Variants in TRRAP observed in about 807,000 individuals in gnomAD.
TRRAP encodes the protein transformation/transcription domain-associated protein.
A neutral mutation model predicts 438.8 loss-of-function variants in TRRAP; 41 were observed. The ratio of observed to expected loss-of-function variants is 0.09; its 90% CI spans 0.07 to 0.12. The LOEUF is 0.12. Ranked by LOEUF, TRRAP falls within the 10% of genes least tolerant of loss-of-function variation. The probability of loss-of-function intolerance (pLI) is 1.00; values close to 1 mark genes in which losing one functional copy is unlikely to be tolerated. For synonymous variants in TRRAP, 1,994 were observed against 1,962.9 expected, an observed-to-expected ratio of 1.02 and a Z score of -0.42; for missense variants, 3,122 against 5,055.1, an observed-to-expected ratio of 0.62 and a Z score of 11.60.
chr7:98,977,781 C>T (rs140071201), intron 56 of TRRAP, among the ~76,000 whole-genome samples: 4,108 of 152,298 alleles, frequency 0.027, 66 homozygotes, highest in Middle Eastern at 0.054. Flanking sequence ...TGTGGCCTTG[C>T]GGCTCCTGCT....
chr7:98,895,443 T>A (rs975529135), intron 6 of TRRAP, among the ~76,000 whole-genome samples: 27 of 152,224 alleles, frequency 1.8e-4, no homozygotes, highest in African/African-American at 6.3e-4. Flanking sequence ...GGCCCCACAG[T>A]ATATGAGAGT....
At position 98,960,907 on chromosome 7, in the gene TRRAP, C is replaced by T. The variant is rs751614702; in HGVS notation, c.6490-354C>T. On this transcript the variant is annotated intron_variant, in intron 45 of 72. Transcript: ENST00000456197. ...GCTGGGATTACAGGCGTAACCACTGCGCCTGGCCTGGAAGGATATTTGTAT... is the reference window on the plus strand; with the variant it reads ...GCTGGGATTACAGGCGTAACCACTGTGCCTGGCCTGGAAGGATATTTGTAT... Among the ~76,000 whole-genome samples, 6 of 151,904 alleles carry T rather than the reference C, an allele frequency of 3.9e-5. No individual in the cohort carries two copies. The South Asian group carries it at 6.2e-4, about 16-fold the overall frequency.
At chr7:98,890,252 C>T in intron 3 of TRRAP, 83 bp from the exon 4 acceptor site, 1 of 868,458 alleles carries the variant, frequency 1.2e-6, no homozygotes, top group Non-Finnish European at 1.6e-6. Flanking sequence ...TTTTATATTC[C>T]TTTGCAGTTA....
Position 98,942,907 on chromosome 7 carries a change from A to T in TRRAP, c.4405-42A>T, listed in dbSNP as rs1554415999. The stretch of plus-strand genomic sequence containing the variant: ...ATAGTAGTTTCCACCAGTGGAATGC[A>T]CCTACTGTGAAGTTGTGTCTCAGGA... On this transcript the variant is annotated intron_variant, in intron 30 of 72. Transcript: ENST00000456197. 3 of 1,607,394 alleles carry T rather than the reference A, an allele frequency of 1.9e-6. No individual in the cohort carries two copies. The Admixed American group carries it at 5.0e-5, about 27-fold the overall frequency.
At chr7:98,917,012 C>T (rs1456151482) in intron 19 of TRRAP, among the ~76,000 whole-genome samples, 2 of 152,072 alleles carry the variant, frequency 1.3e-5, no homozygotes, top group Non-Finnish European at 2.9e-5. Context: ...TAACTGTCCT[C>T]GTGAGTGGTG....
intron 31 of TRRAP, among the ~76,000 whole-genome samples, chr7:98,944,538 G>A (rs1465180168): frequency 6.6e-6 from 1 of 152,076 alleles, no homozygotes; most frequent in African/African-American, 2.4e-5. Context: ...TTGGCCGCTT[G>A]TCTGAAACTC....
chr7:98,925,258 C>T lies in TRRAP; in HGVS notation c.2970C>T (p.His990=). The T allele has an allele frequency of 6.2e-7, 1 of 1,613,544 alleles. No homozygotes were observed. Residue 990 remains histidine, a synonymous_variant, in exon 22 of 73, where the codon CAC becomes CAT. Transcript: ENST00000456197. ...NKHALYQLLA[H]PNFTEKTIPN... ...ACGCACTCTACCAGCTCCTGGCACACCCCAAGTATGTCGGCCACTTCCTTC... is the reference window on the plus strand; with the variant it reads ...ACGCACTCTACCAGCTCCTGGCACATCCCAAGTATGTCGGCCACTTCCTTC...
intron 41 of TRRAP, among the ~76,000 whole-genome samples, 198 bp downstream of exon 41, chr7:98,955,502 G>A (rs529888171): frequency 1.3e-5 from 2 of 152,320 alleles, no homozygotes; most frequent in African/African-American, 4.8e-5. Flanking sequence ...TATGTCACAG[G>A]TGTGTGTGTC....
chr7:99,008,937 C>A (rs1794314216), intron 70 of TRRAP, among the ~76,000 whole-genome samples: 1 of 152,198 alleles, frequency 6.6e-6, no homozygotes, highest in Non-Finnish European at 1.5e-5. Context: ...CTTCATTCAT[C>A]CACTTCATGT....
chr7:98,914,865 C>T (rs1484262976), intron 18 of TRRAP, among the ~76,000 whole-genome samples: 1 of 151,262 alleles, frequency 6.6e-6, no homozygotes, highest in African/African-American at 2.4e-5. Context: ...TATATTCTGC[C>T]ATATACCATA....
chr7:98,962,426 C>T lies in TRRAP; in HGVS notation c.6828C>T (p.Phe2276=), dbSNP rs200266535. The change falls in exon 47 of 73, where the codon TTC becomes TTT. Residue 2276 remains phenylalanine (F), a splice_region_variant and synonymous_variant. Transcript: ENST00000456197. ...KATNANPSQL[F]GTLMILKSAC... ...CCAATGCCAATCCCTCCCAGCTCTT[C>T]GGTGAGTGTGTGTCTGTCCTGGTGT... The T allele has an allele frequency of 4.3e-6, 7 of 1,614,104 alleles. No individual in the cohort carries two copies. The highest frequency in any genetic ancestry group is 3.3e-5 in the South Asian group (3 of 91,092).
intron 31 of TRRAP, 92 bp from the exon 32 acceptor site, chr7:98,945,655 A>T (rs1554416610): frequency 6.9e-7 from 1 of 1,442,174 alleles, no homozygotes; most frequent in African/African-American, 1.4e-5. Flanking sequence ...TGTCTTGTTA[A>T]CCCCAATAAC....
In TRRAP at chr7:98,917,877, T is replaced by G. The variant is rs57715526; in HGVS notation, c.2622+198T>G. Among the ~76,000 whole-genome samples, 4,587 of 152,192 alleles carry G rather than the reference T, an allele frequency of 0.03. 234 individuals are homozygous for G. The highest frequency in any genetic ancestry group is 0.1 in the African/African-American group (4,314 of 41,514). On this transcript the variant is annotated intron_variant, in intron 20 of 72. Coordinates refer to ENST00000456197, the MANE Select transcript of TRRAP (RefSeq NM_001375524.1). ...TGTCTCCTGACTGTGATCCCAGCAC[T>G]TTGGGAGGCCGAGGAGGGTGGATCA...
chr7:99,001,573 A>G (rs1283951180), intron 67 of TRRAP, among the ~76,000 whole-genome samples: 1 of 152,082 alleles, frequency 6.6e-6, no homozygotes, highest in East Asian at 1.9e-4. Context: ...AAACTGGAAA[A>G]AGTCAGCATG....
Position 98,945,951 on chromosome 7 carries a change from G to A in TRRAP, c.4548+1G>A. The A allele has an allele frequency of 6.8e-7, 1 of 1,470,476 alleles. No homozygotes were observed. Among genetic ancestry groups the A allele is most frequent in the Non-Finnish European group, 9.0e-7 (1 of 1,110,926 alleles). The allele number at this position is 1,470,476 out of a possible 1,614,324, so 91.1% of individuals were successfully genotyped here. A position where few individuals can be genotyped will look rare whatever the true frequency, so the allele number is the denominator to read the frequency against. ...TCAGCCTGCCATGGAAGGGGTAGAG[G>A]TGAGAACTTGAGCGGAGCTACAGGA... On this transcript the variant is annotated splice_donor_variant, in intron 33 of 72. Coordinates refer to ENST00000456197, the MANE Select transcript of TRRAP (RefSeq NM_001375524.1). LOFTEE classifies it high-confidence loss of function.
chr7:98,920,552 A>G (rs1413333986), intron 20 of TRRAP, among the ~76,000 whole-genome samples: 1 of 152,152 alleles, frequency 6.6e-6, no homozygotes, highest in African/African-American at 2.4e-5. Context: ...CAGACAAAAA[A>G]TGGGGGGAAA....
intron 40 of TRRAP, among the ~76,000 whole-genome samples, chr7:98,953,917 C>T (rs545793790): frequency 1.1e-4 from 16 of 152,324 alleles, no homozygotes; most frequent in African/African-American, 3.6e-4. Flanking sequence ...TCTGCTCTCT[C>T]GTTCCTCAAC....
Position 98,976,176 on chromosome 7 carries a change from C to G in TRRAP, c.7867C>G (p.Gln2623Glu). ...KTGALLSAFVQLCHISTTLAE... is the reference protein window; with the variant it reads ...KTGALLSAFVELCHISTTLAE... ...TGGAGCGCTGCTCAGCGCTTTCGTTCAGCTGTGCCACATTTCCACGACGCT... is the reference window on the plus strand; with the variant it reads ...TGGAGCGCTGCTCAGCGCTTTCGTTGAGCTGTGCCACATTTCCACGACGCT... The change falls in exon 54 of 73, where the codon CAG (glutamine) becomes GAG (glutamate). Residue 2623 changes from glutamine to glutamate, a missense_variant. This residue lies in a region of TRRAP where 992 missense variants were observed against 1,281.2 expected (regional missense o/e 0.77). Coordinates refer to ENST00000456197, the MANE Select transcript of TRRAP (RefSeq NM_001375524.1). This position sits in a 1 kb window ranked among gnomAD's most constrained non-coding sequence, Gnocchi z 4.6. The G allele has an allele frequency of 6.2e-7, 1 of 1,614,086 alleles. No homozygotes were observed. Among genetic ancestry groups the G allele is most frequent in the Non-Finnish European group, 8.5e-7 (1 of 1,179,964 alleles).
intron 67 of TRRAP, among the ~76,000 whole-genome samples, chr7:98,995,788 T>G (rs867876655): frequency 2.7e-5 from 4 of 146,902 alleles, no homozygotes; most frequent in Middle Eastern, 3.6e-3. Flanking sequence ...ATCCCATCAC[T>G]CCCATGTCCC....
Sources: allele counts gnomAD v4.1 joint callset (sites outside exome capture counted in the v4.1 genomes callset), GRCh38; gene constraint gnomAD v4.1.1; regional missense constraint gnomAD v4.1.1; non-coding constraint Gnocchi (gnomAD v3.1); transcripts MANE v1.5; gene names NCBI Gene and HGNC (gene_info 2026-07-23, HGNC 2026-07-21).